The following HSCB variants were observed in gnomAD, a reference collection of about 807,000 sequenced individuals.
The protein encoded by HSCB is HscB mitochondrial iron-sulfur cluster cochaperone.
A neutral mutation model predicts 31.3 loss-of-function variants in HSCB; 23 were observed. The ratio of observed to expected loss-of-function variants is 0.74; its 90% CI spans 0.53 to 1.04. The LOEUF is 1.04. Among genes scored for constraint, HSCB ranks in the 50% least tolerant of loss-of-function variants. The pLI is 0.00. For synonymous variants in HSCB, 110 were observed against 104.5 expected, an observed-to-expected ratio of 1.05 and a Z score of -0.32; for missense variants, 297 against 288.1, an observed-to-expected ratio of 1.03 and a Z score of -0.22.
chr22:28,748,764 A>G (rs2030004863), intron 4 of HSCB, among the ~76,000 whole-genome samples: 2 of 152,044 alleles, frequency 1.3e-5, no homozygotes, highest in Non-Finnish European at 2.9e-5. Flanking sequence ...TGATCCATCC[A>G]TCTCAGCCTC....
chr22:28,756,563 G>C (rs556638657), intron 5 of HSCB, among the ~76,000 whole-genome samples: 2 of 151,850 alleles, frequency 1.3e-5, no homozygotes, highest in South Asian at 4.2e-4. Context: ...CAAACTCCTG[G>C]GCTCAAGGGA....
At chr22:28,744,521 T>G in intron 2 of HSCB, 94 bp from the exon 3 acceptor site, 1 of 882,346 alleles carries the variant, frequency 1.1e-6, no homozygotes, top group Non-Finnish European at 1.9e-6. Flanking sequence ...CACTGCACAC[T>G]CCAGCCTGGA....
intron 5 of HSCB, among the ~76,000 whole-genome samples, chr22:28,754,177 A>T (rs2146224825): frequency 6.6e-6 from 1 of 152,260 alleles, no homozygotes; most frequent in South Asian, 2.1e-4. Flanking sequence ...TCCAACATGG[A>T]TGAACCTTGA....
At chr22:28,753,248 G>C (rs78029368) in intron 5 of HSCB, among the ~76,000 whole-genome samples, 1 of 151,428 alleles carries the variant, frequency 6.6e-6, no homozygotes, top group Non-Finnish European at 1.5e-5. Context: ...ACATTAGACC[G>C]GGCGTGGTGG....
chr22:28,754,087 C>G (rs572173280), intron 5 of HSCB, among the ~76,000 whole-genome samples: 3 of 151,862 alleles, frequency 2.0e-5, no homozygotes, highest in Non-Finnish European at 4.4e-5. Flanking sequence ...GAGCCGAGAT[C>G]GTGTCACTGC....
At chr22:28,748,947 C>G (rs757814359) in intron 4 of HSCB, among the ~76,000 whole-genome samples, 1 of 151,882 alleles carries the variant, frequency 6.6e-6, no homozygotes. Flanking sequence ...CAAGACTAGC[C>G]TAGTCAACAT....
intron 4 of HSCB, among the ~76,000 whole-genome samples, chr22:28,750,247 CAAAAAAAAAAAAAAAAA>C (rs563701958): frequency 1.5e-5 from 1 of 64,714 alleles, no homozygotes; most frequent in Admixed American, 1.8e-4. Context: ...GAAACTGTCT[CAAAAAAAAAAAAAAAAA>C]AAAAAAAAAA....
intron 4 of HSCB, among the ~76,000 whole-genome samples, chr22:28,750,945 CTTTTTT>C (rs758451182): frequency 1.4e-4 from 8 of 56,454 alleles, no homozygotes; most frequent in South Asian, 1.1e-3. Flanking sequence ...ATATCTTTGT[CTTTTTT>C]TTTTTTTTTT....
rs35101545 is a variant in HSCB at position 28,745,055 on chromosome 22, C to CAAA, written c.423+366_423+368dup. ...CTGTGATTGTACTACTGCACCCTCT[C>CAAA]AAAAAAAAAAAAAAAAAGTCCAGGG... On this transcript the variant is annotated intron_variant, in intron 3 of 5. Coordinates refer to ENST00000216027, the MANE Select transcript of HSCB (RefSeq NM_172002.5). 5.0e-4 allele frequency among the ~76,000 whole-genome samples: 50 copies of CAAA among 100,738 alleles called. 1 individual carries two copies. In the East Asian group the frequency reaches 0.01, roughly 21 times the overall value. 66.1% of individuals were successfully genotyped at this position (100,738 alleles called of 152,430 possible). A position where few individuals can be genotyped will look rare whatever the true frequency, so the allele number is the denominator to read the frequency against.
At position 28,742,366 on chromosome 22, in the gene HSCB, G is replaced by A. The variant is rs761374517; in HGVS notation, c.236+35G>A. 7 of 1,604,686 alleles carry A rather than the reference G, an allele frequency of 4.4e-6. No individual in the cohort carries two copies. The Admixed American group carries it at 8.4e-5, about 19-fold the overall frequency. ...ACGGTTTCGGGAAACGGGCCCGGGC[G>A]AGAGACACGTCGAGGTCTGGCCTGC... On this transcript the variant is annotated intron_variant, in intron 1 of 5. Transcript: ENST00000216027.
At chr22:28,750,809 T>C in intron 4 of HSCB, among the ~76,000 whole-genome samples, 1 of 152,160 alleles carries the variant, frequency 6.6e-6, no homozygotes, top group Non-Finnish European at 1.5e-5. Context: ...CCTGAGAGGC[T>C]ATACAGTTTG....
chr22:28,747,049 G>A (rs2029894970), intron 4 of HSCB, among the ~76,000 whole-genome samples: 1 of 152,032 alleles, frequency 6.6e-6, no homozygotes, highest in African/African-American at 2.4e-5. Flanking sequence ...GAGTGACAGA[G>A]TGAGACCCTG....
At chr22:28,746,061 C>T (rs926023258) in intron 4 of HSCB, 53 bp downstream of exon 4, 13 of 1,543,788 alleles carry the variant, frequency 8.4e-6, no homozygotes, top group Non-Finnish European at 1.1e-5. Flanking sequence ...GAACACTTGT[C>T]CAAGGATTAG....
At chr22:28,746,716 A>G (rs1375020977) in intron 4 of HSCB, among the ~76,000 whole-genome samples, 5 of 152,106 alleles carry the variant, frequency 3.3e-5, no homozygotes, top group Admixed American at 6.6e-5. Flanking sequence ...CCAGGCCAAC[A>G]TGGAGAAACC....
At chr22:28,751,113 C>T (rs986201331) in intron 4 of HSCB, 128 bp from the exon 5 acceptor site, 2 of 624,000 alleles carry the variant, frequency 3.2e-6, no homozygotes, top group African/African-American at 3.7e-5. Context: ...GGTTATGAAG[C>T]CTTACCCTTG....
rs182643064 is a variant in HSCB at position 28,748,703 on chromosome 22, G to C, written c.569-2538G>C. ...AATTTTTCTATTTTTTTTAAGTAGT[G>C]ACGGGGTTTTACCATGTTGCCCAGG... is the stretch of plus-strand genomic sequence containing the variant. On this transcript the variant is annotated intron_variant, in intron 4 of 5. Coordinates refer to ENST00000216027, the MANE Select transcript of HSCB (RefSeq NM_172002.5). Among the ~76,000 whole-genome samples the C allele has an allele frequency of 3.0e-3, 453 of 151,904 alleles. 1 individual carries two copies. The highest frequency in any genetic ancestry group is 3.5e-3 in the Non-Finnish European group (236 of 67,970).
chr22:28,747,015 G>T (rs2029892989), intron 4 of HSCB, among the ~76,000 whole-genome samples: 1 of 151,998 alleles, frequency 6.6e-6, no homozygotes, highest in African/African-American at 2.4e-5. Context: ...AGTGAGCTGA[G>T]ATCACACCAC....
chr22:28,751,370 T>TTA, intron 5 of HSCB, 82 bp downstream of exon 5: 1 of 745,986 alleles, frequency 1.3e-6, no homozygotes, highest in South Asian at 1.7e-5. Context: ...TAACTAGCTA[T>TTA]TATATACCTT....
At chr22:28,745,090 T>C (rs904563675) in intron 3 of HSCB, among the ~76,000 whole-genome samples, 2 of 151,378 alleles carry the variant, frequency 1.3e-5, no homozygotes, top group Non-Finnish European at 2.9e-5. Flanking sequence ...GACCCAATAG[T>C]ATTTAGCCTC....
Sources: gnomAD v4.1 joint callset for allele counts (sites outside exome capture counted in the v4.1 genomes callset) on GRCh38, gnomAD v4.1.1 for gene constraint, MANE v1.5 for transcripts, NCBI Gene and HGNC (gene_info 2026-07-23, HGNC 2026-07-21) for gene names.